Variants in PHLPP2 observed in about 807,000 individuals in gnomAD.
PHLPP2 encodes PH domain leucine-rich repeat-containing protein phosphatase 2.
PHLPP2 carries 66 observed loss-of-function variants against 124.9 expected under a neutral mutation model. That is an observed-to-expected ratio of 0.53 (90% CI 0.43 to 0.65). The LOEUF is 0.65. Among genes scored for constraint, PHLPP2 ranks in the 30% least tolerant of loss-of-function variants. PHLPP2 has a pLI of 0.00. For synonymous variants in PHLPP2, 681 were observed against 624.7 expected (o/e 1.09, Z -1.34); for missense variants, 1,685 against 1,600.4 (o/e 1.05, Z -0.90).
chr16:71,675,539 T>C (rs111569910), intron 9 of PHLPP2, among the ~76,000 whole-genome samples: 182 of 152,354 alleles, frequency 1.2e-3, no homozygotes, highest in African/African-American at 4.2e-3. Flanking sequence ...GTAAACATTT[T>C]AGGCTTTGCG....
intron 5 of PHLPP2, among the ~76,000 whole-genome samples, chr16:71,683,711 T>C (rs556497856): frequency 6.6e-6 from 1 of 152,336 alleles, no homozygotes; most frequent in Non-Finnish European, 1.5e-5. Flanking sequence ...ATTTTACTCA[T>C]TATATACTCA....
At chr16:71,695,625 G>A (rs760359629) in intron 3 of PHLPP2, among the ~76,000 whole-genome samples, 13 of 151,866 alleles carry the variant, frequency 8.6e-5, no homozygotes, top group Non-Finnish European at 1.6e-4. Context: ...CAGCAGAATC[G>A]CTTGAACCTG....
At chr16:71,652,673 T>C in intron 18 of PHLPP2, 117 bp downstream of exon 18, 1 of 704,350 alleles carries the variant, frequency 1.4e-6, no homozygotes, top group Non-Finnish European at 2.4e-6. Context: ...AACTTTTATC[T>C]GGATTGGATA....
Position 71,682,281 on chromosome 16 carries a change from G to A in PHLPP2, c.736-376C>T, listed in dbSNP as rs144313655. Among the ~76,000 whole-genome samples the A allele has an allele frequency of 4.2e-3, 630 of 148,552 alleles. 11 individuals carry two copies. The highest frequency in any genetic ancestry group is 0.015 in the African/African-American group (611 of 40,252). ...CAGCCAGGCTGGAGTGCAGTGGCAC[G>A]ATCTCAGCTTACTGCATCCTCCGTC... On this transcript the variant is annotated intron_variant, in intron 5 of 18. Transcript: ENST00000568954.
intron 4 of PHLPP2, among the ~76,000 whole-genome samples, chr16:71,685,551 CAT>C (rs1223626457): frequency 6.6e-6 from 1 of 152,062 alleles, no homozygotes; most frequent in African/African-American, 2.4e-5. Context: ...AAAAGAGAAT[CAT>C]ATTAAAAAGA....
chr16:71,682,939 G>A (rs1017297505), intron 5 of PHLPP2, among the ~76,000 whole-genome samples: 2 of 152,184 alleles, frequency 1.3e-5, no homozygotes, highest in Non-Finnish European at 2.9e-5. Flanking sequence ...GGGAGGCCAA[G>A]GCGGGCGGAT....
intron 16 of PHLPP2, among the ~76,000 whole-genome samples, chr16:71,655,727 T>C (rs1567612510): frequency 1.3e-5 from 2 of 152,052 alleles, no homozygotes; most frequent in African/African-American, 4.8e-5. Flanking sequence ...CCTGACCTCA[T>C]GATCCGCCCA....
chr16:71,693,671 T>G lies in PHLPP2; in HGVS notation c.419-2962A>C, dbSNP rs2045138007. 3.3e-5 allele frequency among the ~76,000 whole-genome samples: 5 copies of G among 152,328 alleles called. 1 individual carries two copies. In the South Asian group the frequency reaches 1.0e-3, roughly 32 times the overall value. ...GGAGCACCCATGGCCCAAAACAATC[T>G]GGACTCAAATTAACTGTGATTCATG... On this transcript the variant is annotated intron_variant, in intron 3 of 18. Transcript: ENST00000568954.
chr16:71,691,512 TAAGG>T (rs1390110508), intron 3 of PHLPP2, among the ~76,000 whole-genome samples: 2 of 134,650 alleles, frequency 1.5e-5, no homozygotes, highest in African/African-American at 5.6e-5. Context: ...AATAAATAAA[TAAGG>T]AATATAAAAT....
intron 17 of PHLPP2, 29 bp from the exon 18 acceptor site, chr16:71,653,050 G>A (rs745500687): frequency 1.8e-5 from 27 of 1,465,842 alleles, no homozygotes; most frequent in South Asian, 1.1e-4. Context: ...AAAAGAAGAC[G>A]TGGTGGCTAG....
intron 12 of PHLPP2, among the ~76,000 whole-genome samples, chr16:71,665,086 G>A (rs945328413): frequency 6.6e-6 from 1 of 152,140 alleles, no homozygotes; most frequent in African/African-American, 2.4e-5. Flanking sequence ...AAGGTGGGTG[G>A]ATCACGAGGT....
chr16:71,684,940 C>G (rs376204070), intron 4 of PHLPP2, among the ~76,000 whole-genome samples: 1 of 152,162 alleles, frequency 6.6e-6, no homozygotes, highest in Non-Finnish European at 1.5e-5. Context: ...CAGTCCAATT[C>G]AAATCTCTTT....
At position 71,684,613 on chromosome 16, in the gene PHLPP2, G is replaced by T; in HGVS notation, c.610-12C>A. On this transcript the variant is annotated splice_polypyrimidine_tract_variant and intron_variant, in intron 4 of 18. Coordinates refer to ENST00000568954, the MANE Select transcript of PHLPP2 (RefSeq NM_015020.3). Reference sequence around the variant, plus strand: ...TTCACTTCTTCTATCTGAAGAAGAGGAGGGGAGAAAACCAGAACCACTAAA... The same window carrying T: ...TTCACTTCTTCTATCTGAAGAAGAGTAGGGGAGAAAACCAGAACCACTAAA... The T allele has an allele frequency of 6.3e-7, 1 of 1,599,154 alleles. No homozygotes were observed. Among genetic ancestry groups the T allele is most frequent in the Non-Finnish European group, 8.5e-7 (1 of 1,171,416 alleles).
chr16:71,664,908 T>C (rs1367894557), intron 12 of PHLPP2, among the ~76,000 whole-genome samples: 2 of 152,232 alleles, frequency 1.3e-5, no homozygotes, highest in African/African-American at 4.8e-5. Context: ...CCTTAACCAA[T>C]TACTTCCTTA....
chr16:71,698,945 G>A (rs1017725781), intron 3 of PHLPP2, among the ~76,000 whole-genome samples: 2 of 152,084 alleles, frequency 1.3e-5, no homozygotes, highest in African/African-American at 2.4e-5. Flanking sequence ...GTTCGCACTC[G>A]GGCCCTTATG....
chr16:71,690,841 A>C (rs751895005), intron 3 of PHLPP2, 132 bp from the exon 4 acceptor site: 36 of 639,982 alleles, frequency 5.6e-5, no homozygotes, highest in Non-Finnish European at 9.7e-5. Flanking sequence ...AATATAGTTA[A>C]GACAAAATTA....
chr16:71,671,783 G>T (rs1405710935), intron 10 of PHLPP2, among the ~76,000 whole-genome samples: 1 of 151,812 alleles, frequency 6.6e-6, no homozygotes, highest in Non-Finnish European at 1.5e-5. Context: ...GCGTGGTGGT[G>T]GGCGCCTTTA....
At chr16:71,697,471 C>T (rs117225578) in intron 3 of PHLPP2, among the ~76,000 whole-genome samples, 21 of 152,260 alleles carry the variant, frequency 1.4e-4, no homozygotes, top group Non-Finnish European at 2.4e-4. Context: ...TGCCCCACTA[C>T]AATTTTGTTA....
At chr16:71,720,659 CTT>C (rs2045392802) in intron 1 of PHLPP2, among the ~76,000 whole-genome samples, 2 of 150,570 alleles carry the variant, frequency 1.3e-5, no homozygotes, top group Non-Finnish European at 3.0e-5. Flanking sequence ...GAGGCCAGGA[CTT>C]CAACACCAGC....
Sources: allele counts gnomAD v4.1 joint callset (sites outside exome capture counted in the v4.1 genomes callset), GRCh38; gene constraint gnomAD v4.1.1; transcripts MANE v1.5; gene names NCBI Gene and HGNC (gene_info 2026-07-23, HGNC 2026-07-21).